Variants in DGKZ observed in about 807,000 individuals in gnomAD.
DGKZ encodes the protein diacylglycerol kinase zeta.
A neutral mutation model predicts 142.5 loss-of-function variants in DGKZ; 45 were observed. The ratio of observed to expected loss-of-function variants is 0.32; its 90% CI spans 0.25 to 0.40. DGKZ has a LOEUF of 0.40. DGKZ is among the 10% of genes least tolerant of loss of function. The probability of loss-of-function intolerance (pLI) is 1.00; values close to 1 mark genes in which losing one functional copy is unlikely to be tolerated. For synonymous variants in DGKZ, 442 were observed against 527.0 expected (o/e 0.84, Z 2.21); for missense variants, 755 against 1,306.5 (o/e 0.58, Z 6.51).
chr11:46,377,709 C>A (rs1432187967), intron 25 of DGKZ: 1 of 222,282 alleles, frequency 4.5e-6, no homozygotes, highest in East Asian at 1.4e-4. Flanking sequence ...TCCCAGCCCC[C>A]TCCCTGAGTT....
chr11:46,345,220 G>T (rs1405290368), upstream of DGKZ: 9 of 1,332,472 alleles, frequency 6.8e-6, no homozygotes, highest in Non-Finnish European at 8.6e-6. The surrounding 1 kb of genome is among the most constrained non-coding windows in gnomAD (Gnocchi z 4.1). Flanking sequence ...TGCTGGTCTG[G>T]GCTTGTCCCC....
chr11:46,345,411 T>C, upstream of DGKZ: 1 of 1,432,168 alleles, frequency 7.0e-7, no homozygotes, highest in Non-Finnish European at 9.1e-7. This position sits in a 1 kb window ranked among gnomAD's most constrained non-coding sequence, Gnocchi z 4.1. Flanking sequence ...CCGGGCAGGA[T>C]GAGCGCACCG....
chr11:46,367,571 GGA>G lies in DGKZ; in HGVS notation c.271-77_271-76del. 5 of 1,374,016 alleles carry G rather than the reference GGA, an allele frequency of 3.6e-6. No individual in the cohort carries two copies. The Admixed American group carries it at 1.1e-4, about 30-fold the overall frequency. The allele number at this position is 1,374,016 out of a possible 1,614,324, so 85.1% of individuals were successfully genotyped here. On this transcript the variant is annotated intron_variant, in intron 2 of 30. Transcript: ENST00000527911. This position sits in a 1 kb window ranked among gnomAD's most constrained non-coding sequence, Gnocchi z 4.1. ...GGGGCGCTGGAGTGGGTTTGTCTTGGGAGAGGGCGGGTGGGCGGGGGCTGATG... is the reference window on the plus strand; with the variant it reads ...GGGGCGCTGGAGTGGGTTTGTCTTGGGAGGGCGGGTGGGCGGGGGCTGATG...
chr11:46,362,899 G>C (rs555568981), intron 1 of DGKZ, among the ~76,000 whole-genome samples: 2 of 152,334 alleles, frequency 1.3e-5, no homozygotes, highest in East Asian at 3.9e-4. Context: ...GACTTCCTCT[G>C]TCCTTTCCCA....
At chr11:46,366,558 C>A (rs760495210) in intron 1 of DGKZ, 1 of 1,602,628 alleles carries the variant, frequency 6.2e-7, no homozygotes. Flanking sequence ...ACCGTGGGGG[C>A]CCAGCTTCTG....
At chr11:46,359,043 T>C (rs1259868800) in intron 1 of DGKZ, among the ~76,000 whole-genome samples, 1 of 151,654 alleles carries the variant, frequency 6.6e-6, no homozygotes, top group East Asian at 1.9e-4. Flanking sequence ...CTCGGGAGGC[T>C]GAGGCAGGAG....
At chr11:46,344,248 T>C (rs1451417667), upstream of DGKZ, among the ~76,000 whole-genome samples, 1 of 152,022 alleles carries the variant, frequency 6.6e-6, no homozygotes, top group Non-Finnish European at 1.5e-5. Flanking sequence ...CATTATATTG[T>C]ACATAGATTG....
At chr11:46,376,758 A>G (rs1944592934) in intron 24 of DGKZ, 194 bp downstream of exon 24, 8 of 794,200 alleles carry the variant, frequency 1.0e-5, no homozygotes, top group Middle Eastern at 3.7e-4. Flanking sequence ...GGGCGGTGCC[A>G]GCCAGAAAGG....
At position 46,372,668 on chromosome 11, in the gene DGKZ, C is replaced by T. The variant is rs1178210406; in HGVS notation, c.1062C>T (p.Gly354=). 2.4e-5 allele frequency: 38 copies of T among 1,613,386 alleles called. No homozygotes were observed. Among genetic ancestry groups the T allele is most frequent in the Middle Eastern group, 1.7e-4 (1 of 6,058 alleles). ...ACCTGCGGATCCTGGCGTGCGGGGGCGACGGCACGGTGAGCTCCCCGCATG... is the reference window on the plus strand; with the variant it reads ...ACCTGCGGATCCTGGCGTGCGGGGGTGACGGCACGGTGAGCTCCCCGCATG... The change falls in exon 12 of 31, where the codon GGC becomes GGT. Residue 354 remains glycine, a synonymous_variant. Coordinates refer to ENST00000527911, the Ensembl canonical transcript of DGKZ. This position sits in a 1 kb window ranked among gnomAD's most constrained non-coding sequence, Gnocchi z 5.9.
chr11:46,367,584 G>A lies in DGKZ; in HGVS notation c.271-68G>A, dbSNP rs1943457434. On this transcript the variant is annotated intron_variant, in intron 2 of 30. Coordinates refer to ENST00000527911, the Ensembl canonical transcript of DGKZ. This position sits in a 1 kb window ranked among gnomAD's most constrained non-coding sequence, Gnocchi z 4.1. ...GGGTTTGTCTTGGGAGAGGGCGGGT[G>A]GGCGGGGGCTGATGGGAGGGAGGGC... is the stretch of plus-strand genomic sequence containing the variant. The A allele has an allele frequency of 2.1e-6, 2 of 956,874 alleles. No individual in the cohort carries two copies. Among genetic ancestry groups the A allele is most frequent in the South Asian group, 1.5e-5 (1 of 64,902 alleles). The allele number at this position is 956,874 out of a possible 1,614,324, so 59.3% of individuals were successfully genotyped here.
At chr11:46,378,925 C>A in intron 27 of DGKZ, 66 bp from the exon 28 acceptor site, 3 of 1,496,686 alleles carry the variant, frequency 2.0e-6, no homozygotes, top group Non-Finnish European at 2.7e-6. Flanking sequence ...TGTGGGCCAG[C>A]GTGTGAGCTC....
Position 46,379,223 on chromosome 11 carries a change from G to A in DGKZ, c.2560G>A (p.Ala854Thr). The A allele has an allele frequency of 3.1e-6, 5 of 1,613,164 alleles. No individual in the cohort carries two copies. In the Middle Eastern group the frequency reaches 8.3e-4, roughly 267 times the overall value. Residue 854 changes from alanine to threonine, a missense_variant, in exon 29 of 31, where the codon GCG becomes ACG. By Grantham distance (58) the Ala-to-Thr change is moderately conservative (BLOSUM62 0). Around this residue, in one of 8 missense-constraint regions of DGKZ, gnomAD observed 100 missense variants for 87.7 expected, o/e 1.14. Transcript: ENST00000527911. Reference sequence around the variant, plus strand: ...TCCAGCCCCCCCAGAGATCCTTGATGCGGTGGAGGAAAAGTAAGTATCTGG... The same window carrying A: ...TCCAGCCCCCCCAGAGATCCTTGATACGGTGGAGGAAAAGTAAGTATCTGG...
In DGKZ at chr11:46,372,934, G is replaced by A. The variant is rs201189502; in HGVS notation, c.1186-27G>A. On this transcript the variant is annotated intron_variant, in intron 13 of 30. Coordinates refer to ENST00000527911, the Ensembl canonical transcript of DGKZ. This position sits in a 1 kb window ranked among gnomAD's most constrained non-coding sequence, Gnocchi z 5.9. ...CAGCTGGGGCCTCTCCAGCCACAGA[G>A]GGCTCAGTCCCTGCCTGCTCCCCCA... is the stretch of plus-strand genomic sequence containing the variant. 2 of 1,554,356 alleles carry A rather than the reference G, an allele frequency of 1.3e-6. No individual in the cohort carries two copies. Among genetic ancestry groups the A allele is most frequent in the Admixed American group, 3.9e-5 (2 of 51,644 alleles).
Position 46,369,431 on chromosome 11 carries a change from G to T in DGKZ, c.445-63G>T. 1.9e-6 allele frequency: 3 copies of T among 1,599,150 alleles called. No homozygotes were observed. The South Asian group carries it at 3.3e-5, about 18-fold the overall frequency. On this transcript the variant is annotated intron_variant, in intron 4 of 30. Transcript: ENST00000527911. ...GACTCTGGGTTGTCCTGGAGGGAGT[G>T]ACCACATACCTGACCCCGAAGGGAG...
intron 25 of DGKZ, 103 bp from the exon 26 acceptor site, chr11:46,378,095 C>T: frequency 7.0e-7 from 1 of 1,434,474 alleles, no homozygotes; most frequent in East Asian, 2.4e-5. Context: ...AGCAGGCACT[C>T]AATAAACTGT....
At chr11:46,349,353 G>A (rs547149031) in intron 1 of DGKZ, among the ~76,000 whole-genome samples, 3 of 152,278 alleles carry the variant, frequency 2.0e-5, no homozygotes, top group Non-Finnish European at 4.4e-5. Context: ...AGGGAGGGGC[G>A]CCACCAGAGG....
At chr11:46,378,906 G>A (rs1944878574) in intron 27 of DGKZ, 85 bp from the exon 28 acceptor site, 1 of 1,484,372 alleles carries the variant, frequency 6.7e-7, no homozygotes, top group Non-Finnish European at 8.9e-7. Flanking sequence ...CTGTGCTGGT[G>A]TACCCGGCTG....
intron 1 of DGKZ, among the ~76,000 whole-genome samples, chr11:46,357,180 CTG>C (rs1320882023): frequency 1.3e-5 from 2 of 152,128 alleles, no homozygotes; most frequent in African/African-American, 2.4e-5. Flanking sequence ...AAAGAAGAGA[CTG>C]GGGGTATTTC....
chr11:46,375,046 G>C lies in DGKZ; in HGVS notation c.1710+1G>C. 1 of 1,591,850 alleles carries C rather than the reference G, an allele frequency of 6.3e-7. No homozygotes were observed. Among genetic ancestry groups the C allele is most frequent in the Non-Finnish European group, 8.5e-7 (1 of 1,174,034 alleles). On this transcript the variant is annotated splice_donor_variant, in intron 19 of 30. Transcript: ENST00000527911. LOFTEE classifies it high-confidence loss of function. The stretch of plus-strand genomic sequence containing the variant: ...CATTGGCTTCACCATGACGTCGTTG[G>C]TGAGTGGGCCCTGGGCCCATGGTGC...
Sources: gnomAD v4.1 joint callset for allele counts (sites outside exome capture counted in the v4.1 genomes callset) on GRCh38, gnomAD v4.1.1 for gene constraint, gnomAD v4.1.1 regional missense constraint, Gnocchi (gnomAD v3.1) non-coding constraint, MANE v1.5 for transcripts, NCBI Gene and HGNC (gene_info 2026-07-23, HGNC 2026-07-21) for gene names.